ACACA: variants seen among roughly 807,000 people sequenced by gnomAD.
The protein encoded by ACACA is acetyl-CoA carboxylase 1.
Under a neutral mutation model 296.1 loss-of-function variants are expected in ACACA, and 103 were observed. That is an observed-to-expected ratio of 0.35 (90% CI 0.30 to 0.41). The LOEUF (loss-of-function observed/expected upper bound fraction) is 0.41, where lower values mean the gene tolerates loss of function less well. Among genes scored for constraint, ACACA ranks in the 10% least tolerant of loss-of-function variants. The pLI is 1.00. For missense variants in ACACA, 1,554 were observed against 2,989.7 expected (o/e 0.52, Z 11.20); for synonymous variants, 953 against 1,038.6 (o/e 0.92, Z 1.58).
rs1384460310 is a variant in ACACA, at chr17:37,253,069, C to T, written c.1827-33G>A. 1.9e-6 allele frequency: 3 copies of T among 1,614,038 alleles called. No homozygotes were observed. In the African/African-American group the frequency reaches 4.0e-5, roughly 22 times the overall value. On this transcript the variant is annotated intron_variant, in intron 14 of 55. Transcript: ENST00000616317. ...AACAGAAGCCAATCTGTTTCAGCAA[C>T]AAACACTTTAATGTTTTTCAATAAT...
At chr17:37,122,991 T>C (rs72826163) in intron 48 of ACACA, among the ~76,000 whole-genome samples, 1 of 152,312 alleles carries the variant, frequency 6.6e-6, no homozygotes, top group Non-Finnish European at 1.5e-5. Context: ...GAGCATCTCC[T>C]TGGTGAAGAT....
chr17:37,203,130 T>C (rs2090659209), intron 33 of ACACA, among the ~76,000 whole-genome samples: 2 of 151,780 alleles, frequency 1.3e-5, no homozygotes, highest in Non-Finnish European at 2.9e-5. Context: ...CCTGGCTAAT[T>C]TTTGTATTTT....
intron 3 of ACACA, among the ~76,000 whole-genome samples, chr17:37,305,904 G>GTTTTTTTTTTT (rs200591761): frequency 1.5e-3 from 142 of 95,724 alleles, no homozygotes; most frequent in Non-Finnish European, 2.5e-3. Context: ...TTTTTTTTTT[G>GTTTTTTTTTTT]TTTTTTTTTT....
chr17:37,357,108 A>AC (rs1205038952), intron 1 of ACACA, among the ~76,000 whole-genome samples: 1 of 152,236 alleles, frequency 6.6e-6, no homozygotes, highest in Non-Finnish European at 1.5e-5. Context: ...CTATAAATTC[A>AC]CTAAGATAAA....
chr17:37,122,205 T>C (rs914862125), intron 49 of ACACA, among the ~76,000 whole-genome samples: 1 of 152,196 alleles, frequency 6.6e-6, no homozygotes, highest in Non-Finnish European at 1.5e-5. Flanking sequence ...AGCTCTTCCA[T>C]GTGTATACTC....
chr17:37,277,172 G>T, intron 6 of ACACA, 58 bp from the exon 7 acceptor site: 4 of 1,466,892 alleles, frequency 2.7e-6, no homozygotes, highest in Non-Finnish European at 3.8e-6. Flanking sequence ...CCCACAAACT[G>T]CAAGAGTCTC....
intron 45 of ACACA, among the ~76,000 whole-genome samples, chr17:37,136,959 AAAAACAAAAAAC>A (rs2075362258): frequency 1.3e-5 from 2 of 150,466 alleles, no homozygotes; most frequent in Non-Finnish European, 3.0e-5. Flanking sequence ...AAAAAAAGCA[AAAAACAAAAAAC>A]AAAACAAAAA....
intron 41 of ACACA, among the ~76,000 whole-genome samples, chr17:37,176,309 G>C (rs2077113194): frequency 6.6e-6 from 1 of 152,226 alleles, no homozygotes; most frequent in African/African-American, 2.4e-5. Flanking sequence ...TGACCTGGTA[G>C]AGCCGTCACT....
chr17:37,370,011 T>TCC (rs2049744364), intron 1 of ACACA, among the ~76,000 whole-genome samples: 2 of 23,544 alleles, frequency 8.5e-5, no homozygotes, highest in Non-Finnish European at 1.1e-4. Context: ...TGGCCCCTCC[T>TCC]TTTTTTTTTT....
At chr17:37,385,692 A>G (rs2147772403) in intron 1 of ACACA, among the ~76,000 whole-genome samples, 1 of 152,280 alleles carries the variant, frequency 6.6e-6, no homozygotes, top group East Asian at 1.9e-4. Flanking sequence ...AACTGTCAAC[A>G]GTTTTTATGG....
chr17:37,251,222 T>A (rs994414515), intron 16 of ACACA, among the ~76,000 whole-genome samples: 1 of 152,124 alleles, frequency 6.6e-6, no homozygotes. Context: ...GGCCCATGTA[T>A]ACAGGGAGTT....
chr17:37,280,797 T>C (rs1165738387), intron 5 of ACACA, among the ~76,000 whole-genome samples: 5 of 151,486 alleles, frequency 3.3e-5, no homozygotes, highest in African/African-American at 1.2e-4. Context: ...TGCAAATCCT[T>C]AGATGTCCAA....
At chr17:37,338,053 C>T (rs978601487) in intron 2 of ACACA, among the ~76,000 whole-genome samples, 29 of 151,582 alleles carry the variant, frequency 1.9e-4, no homozygotes, top group Admixed American at 5.3e-4. Context: ...GCAGAGATCA[C>T]GCCACTGCAC....
chr17:37,335,366 C>G (rs1302239255), intron 2 of ACACA, among the ~76,000 whole-genome samples: 1 of 152,172 alleles, frequency 6.6e-6, no homozygotes, highest in Non-Finnish European at 1.5e-5. Context: ...ACCCATACCT[C>G]AAACCTCACC....
At chr17:37,292,965 T>C (rs1182262870) in intron 3 of ACACA, among the ~76,000 whole-genome samples, 1 of 152,226 alleles carries the variant, frequency 6.6e-6, no homozygotes, top group Non-Finnish European at 1.5e-5. Context: ...TGCAAGCACA[T>C]ATGTGAAATT....
Position 37,275,935 on chromosome 17 carries a change from A to G in ACACA, c.901+16T>C. The G allele has an allele frequency of 6.2e-7, 1 of 1,604,700 alleles. No homozygotes were observed. ...TATTCTGTACTTCAAGATACAAACA[A>G]GAATTCAGTTCTTACCACTGCCGCT... On this transcript the variant is annotated intron_variant, in intron 8 of 55. Coordinates refer to ENST00000616317, the MANE Select transcript of ACACA (RefSeq NM_198834.3).
rs1375652725 is a variant in ACACA at position 37,179,405 on chromosome 17, G to A, written c.4934C>T (p.Ser1645Phe). ...CATAGACTCCCAGAGTTTGATCAGGGACTAGTGGAGAAAAGAAGTTTGACT... is the reference window on the plus strand; with the variant it reads ...CATAGACTCCCAGAGTTTGATCAGGAACTAGTGGAGAAAAGAAGTTTGACT... ...IYDIPEMFRQ[S>F]LIKLWESMST... The change falls in exon 41 of 56, where the codon TCC becomes TTC. Residue 1645 changes from serine to phenylalanine, a missense_variant and splice_region_variant. By Grantham distance (155) the Ser-to-Phe change is radical. This residue lies in a region of ACACA where 553 missense variants were observed against 1,043.6 expected (regional missense o/e 0.53). Coordinates refer to ENST00000616317, the MANE Select transcript of ACACA (RefSeq NM_198834.3). 1 of 1,614,106 alleles carries A rather than the reference G, an allele frequency of 6.2e-7. No individual in the cohort carries two copies.
chr17:37,181,169 A>G, intron 40 of ACACA, 32 bp downstream of exon 40: 1 of 1,613,354 alleles, frequency 6.2e-7, no homozygotes, highest in Admixed American at 1.7e-5. Flanking sequence ...GCCTCCTTAG[A>G]ACATGTCAGA....
chr17:37,328,001 G>A (rs1198117444), intron 3 of ACACA, among the ~76,000 whole-genome samples: 2 of 152,078 alleles, frequency 1.3e-5, no homozygotes, highest in African/African-American at 4.8e-5. Context: ...AATAAAAAAT[G>A]TTTACATAAA....
Sources: allele counts gnomAD v4.1 joint callset (sites outside exome capture counted in the v4.1 genomes callset), GRCh38; gene constraint gnomAD v4.1.1; regional missense constraint gnomAD v4.1.1; transcripts MANE v1.5; gene names NCBI Gene and HGNC (gene_info 2026-07-23, HGNC 2026-07-21).